Variants in APPBP2 observed in about 807,000 individuals in gnomAD.
The protein encoded by APPBP2 is amyloid protein-binding protein 2.
A neutral mutation model predicts 76.0 loss-of-function variants in APPBP2; 15 were observed. That is an observed-to-expected ratio of 0.20 (90% CI 0.13 to 0.30). The LOEUF is 0.30. Among genes scored for constraint, APPBP2 ranks in the 10% least tolerant of loss-of-function variants. APPBP2 has a pLI of 1.00. For synonymous variants in APPBP2, 222 were observed against 242.2 expected (o/e 0.92, Z 0.77); for missense variants, 401 against 687.2 (o/e 0.58, Z 4.66).
chr17:60,507,763 T>G (rs2090880181), intron 1 of APPBP2, among the ~76,000 whole-genome samples: 1 of 152,202 alleles, frequency 6.6e-6, no homozygotes, highest in African/African-American at 2.4e-5. Flanking sequence ...AGTTGACTAC[T>G]GCCTCTCCAA....
chr17:60,494,311 T>C (rs1473557057), intron 3 of APPBP2, among the ~76,000 whole-genome samples, 155 bp downstream of exon 3: 1 of 152,218 alleles, frequency 6.6e-6, no homozygotes, highest in Non-Finnish European at 1.5e-5. Flanking sequence ...TTTAAATGTA[T>C]AGTATAATGC....
At chr17:60,507,964 T>C (rs2090882025) in intron 1 of APPBP2, among the ~76,000 whole-genome samples, 1 of 151,558 alleles carries the variant, frequency 6.6e-6, no homozygotes, top group African/African-American at 2.4e-5. Context: ...AGTTGTTTCT[T>C]TTTTTTCCTT....
At chr17:60,514,552 T>C (rs999597220) in intron 1 of APPBP2, among the ~76,000 whole-genome samples, 5 of 152,376 alleles carry the variant, frequency 3.3e-5, no homozygotes, top group Middle Eastern at 3.4e-3. Context: ...CTAGTATACA[T>C]AGAATACTCA....
intron 3 of APPBP2, among the ~76,000 whole-genome samples, chr17:60,480,713 T>C (rs896445473): frequency 6.6e-6 from 1 of 152,208 alleles, no homozygotes; most frequent in Non-Finnish European, 1.5e-5. Context: ...ATTAGAATAC[T>C]GTCTCTCAGC....
chr17:60,495,439 A>ATTATTTAT (rs57497934), intron 2 of APPBP2, among the ~76,000 whole-genome samples: 105 of 136,612 alleles, frequency 7.7e-4, no homozygotes, highest in Non-Finnish European at 9.6e-4. Context: ...TTATTTATTT[A>ATTATTTAT]TTATTTATTT....
chr17:60,495,439 A>ATTTATTATTTATTTAT (rs910525112), intron 2 of APPBP2, among the ~76,000 whole-genome samples: 8 of 136,586 alleles, frequency 5.9e-5, no homozygotes, highest in African/African-American at 2.1e-4. Context: ...TTATTTATTT[A>ATTTATTATTTATTTAT]TTATTTATTT....
At chr17:60,511,977 G>C (rs772686349) in intron 1 of APPBP2, among the ~76,000 whole-genome samples, 4 of 151,972 alleles carry the variant, frequency 2.6e-5, no homozygotes, top group Non-Finnish European at 4.4e-5. Context: ...ATAGATTCTG[G>C]GAAAAGTTAC....
intron 4 of APPBP2, among the ~76,000 whole-genome samples, chr17:60,478,710 T>TC (rs1305734322): frequency 3.9e-5 from 6 of 152,090 alleles, no homozygotes; most frequent in Non-Finnish European, 5.9e-5. Context: ...TCACCTGAAG[T>TC]CAGGAGTTCG....
At chr17:60,454,203 C>A in intron 11 of APPBP2, 99 bp downstream of exon 11, 1 of 882,960 alleles carries the variant, frequency 1.1e-6, no homozygotes, top group Non-Finnish European at 1.6e-6. Flanking sequence ...TTCCTTTGTG[C>A]AATAAGTGTA....
At chr17:60,471,343 G>C (rs1469337906) in intron 4 of APPBP2, among the ~76,000 whole-genome samples, 1 of 151,998 alleles carries the variant, frequency 6.6e-6, no homozygotes, top group Non-Finnish European at 1.5e-5. Context: ...AAAGCTTCCA[G>C]TACAATGTTG....
In APPBP2 at chr17:60,518,503, C is replaced by CGTGTGTGT. The variant is rs146968316; in HGVS notation, c.138+7283_138+7290dup. The stretch of plus-strand genomic sequence containing the variant: ...ACAGGCATGAGCTACCATGCCCAGC[C>CGTGTGTGT]GTGTGTGTGTGTGTGTGTGTGTGTG... On this transcript the variant is annotated intron_variant, in intron 1 of 12. Transcript: ENST00000083182. 7.7e-4 allele frequency among the ~76,000 whole-genome samples: 103 copies of CGTGTGTGT among 134,208 alleles called. 2 individuals are homozygous for CGTGTGTGT. Among genetic ancestry groups the CGTGTGTGT allele is most frequent in the African/African-American group, 3.2e-3 (102 of 31,542 alleles). The allele number at this position is 134,208 out of a possible 152,430, so 88.0% of individuals were successfully genotyped here.
intron 1 of APPBP2, chr17:60,513,228 C>G (rs1045514643): frequency 1.8e-5 from 7 of 395,466 alleles, no homozygotes; most frequent in African/African-American, 1.5e-4. Flanking sequence ...CGACTTCCAC[C>G]TGAAGTAAAT....
chr17:60,462,006 A>G lies in APPBP2; in HGVS notation c.818T>C (p.Val273Ala). 2 of 1,613,350 alleles carry G rather than the reference A, an allele frequency of 1.2e-6. No homozygotes were observed. The highest frequency in any genetic ancestry group is 1.7e-6 in the Non-Finnish European group (2 of 1,179,438). ...AATAATCACCTACCGTGCCAAATAC[A>G]CTGCATGTTTAATTAACTGTTCTGC... ...KKAEQLIKHA[V>A]YLARDHFGSK... is the part of the protein sequence containing the mutation. The change falls in exon 7 of 13, where the codon GTG (valine) becomes GCG (alanine). Residue 273 changes from valine (V) to alanine (A), a missense_variant. Coordinates refer to ENST00000083182, the MANE Select transcript of APPBP2 (RefSeq NM_006380.5).
chr17:60,507,466 C>T (rs2090878021), intron 1 of APPBP2, among the ~76,000 whole-genome samples: 1 of 152,124 alleles, frequency 6.6e-6, no homozygotes, highest in Non-Finnish European at 1.5e-5. Context: ...ACGTGAGCTG[C>T]CCACCTCAGC....
intron 4 of APPBP2, 32 bp downstream of exon 4, chr17:60,479,116 A>G: frequency 6.3e-7 from 1 of 1,598,404 alleles, no homozygotes; most frequent in Non-Finnish European, 8.5e-7. Flanking sequence ...ATACTGTTAT[A>G]GCACGTAATT....
chr17:60,462,170 C>T (rs745372298), intron 6 of APPBP2, 109 bp from the exon 7 acceptor site: 20 of 824,608 alleles, frequency 2.4e-5, no homozygotes, highest in Non-Finnish European at 3.6e-5. Flanking sequence ...AAAAACCCTC[C>T]AAACATAAAT....
chr17:60,500,807 A>G (rs2090817031), intron 1 of APPBP2, among the ~76,000 whole-genome samples: 1 of 152,150 alleles, frequency 6.6e-6, no homozygotes, highest in East Asian at 1.9e-4. Context: ...AAAACTGGAG[A>G]GTCGGTGTAA....
chr17:60,513,833 A>G (rs1190341879), intron 1 of APPBP2, among the ~76,000 whole-genome samples: 1 of 151,434 alleles, frequency 6.6e-6, no homozygotes, highest in East Asian at 1.9e-4. Context: ...CTTCGGCAAG[A>G]AGAGTGAAAC....
At chr17:60,466,232 T>C (rs2090509714) in intron 5 of APPBP2, 59 bp downstream of exon 5, 4 of 1,471,476 alleles carry the variant, frequency 2.7e-6, no homozygotes, top group Non-Finnish European at 2.8e-6. Context: ...CTATTTGATT[T>C]ACCCTCTGTT....
Sources: allele counts gnomAD v4.1 joint callset (sites outside exome capture counted in the v4.1 genomes callset), GRCh38; gene constraint gnomAD v4.1.1; transcripts MANE v1.5; gene names NCBI Gene and HGNC (gene_info 2026-07-23, HGNC 2026-07-21).